Variants in PLEKHG1 observed in about 807,000 individuals in gnomAD.
PLEKHG1 encodes the protein pleckstrin homology domain-containing family G member 1.
In PLEKHG1, 44 loss-of-function variants were observed where a neutral mutation model predicts 100.8. That is an observed-to-expected ratio of 0.44 (90% CI 0.34 to 0.56). PLEKHG1 has a LOEUF of 0.56. PLEKHG1 is among the 20% of genes least tolerant of loss of function. The pLI is 0.01. For missense variants in PLEKHG1, 1,545 were observed against 1,720.9 expected (o/e 0.90, Z 1.81); for synonymous variants, 640 against 662.5 (o/e 0.97, Z 0.52).
At chr6:150,691,539 T>C (rs1023068818) in intron 3 of PLEKHG1, among the ~76,000 whole-genome samples, 6 of 152,242 alleles carry the variant, frequency 3.9e-5, no homozygotes, top group Non-Finnish European at 5.9e-5. Flanking sequence ...TATAAAATAA[T>C]AATTTCTGTC....
At chr6:150,610,060 C>G (rs971478777) in intron 1 of PLEKHG1, among the ~76,000 whole-genome samples, 2 of 152,236 alleles carry the variant, frequency 1.3e-5, no homozygotes, top group Admixed American at 6.5e-5. Context: ...GCCTTCCTTT[C>G]AGCTCCCTGG....
intron 2 of PLEKHG1, among the ~76,000 whole-genome samples, chr6:150,755,905 A>C (rs1320746040): frequency 3.9e-5 from 6 of 152,156 alleles, no homozygotes; most frequent in African/African-American, 1.4e-4. Context: ...AATTTAAAAA[A>C]ATTTATTTTT....
chr6:150,641,608 A>C (rs79245669), intron 2 of PLEKHG1, among the ~76,000 whole-genome samples: 2,747 of 152,282 alleles, frequency 0.018, 94 homozygotes, highest in African/African-American at 0.062. Context: ...CCATGTTAGC[A>C]AAACCAAAGA....
chr6:150,706,612 T>C (rs1361336999), intron 3 of PLEKHG1, among the ~76,000 whole-genome samples: 1 of 24,692 alleles, frequency 4.0e-5, no homozygotes, highest in African/African-American at 1.6e-4. Flanking sequence ...AGACTCTGTC[T>C]CAAAAAAAAA....
At chr6:150,607,943 A>AT (rs954858209) in intron 1 of PLEKHG1, among the ~76,000 whole-genome samples, 121 of 151,094 alleles carry the variant, frequency 8.0e-4, no homozygotes, top group African/African-American at 2.5e-3. Flanking sequence ...GCTTTTCTCC[A>AT]TTTTTTTTTG....
chr6:150,720,827 G>C (rs569470644), upstream of PLEKHG1, among the ~76,000 whole-genome samples: 25 of 152,326 alleles, frequency 1.6e-4, no homozygotes, highest in South Asian at 5.2e-3. Flanking sequence ...AGCTTTGGGC[G>C]AGTGTGGGTT....
intron 3 of PLEKHG1, among the ~76,000 whole-genome samples, chr6:150,706,998 C>CTTT (rs71014517): frequency 7.7e-5 from 4 of 51,930 alleles, no homozygotes; most frequent in African/African-American, 3.1e-4. Flanking sequence ...TTTTCTTTTT[C>CTTT]TTTTTTTTTT....
At chr6:150,660,449 T>C (rs1779141436) in intron 3 of PLEKHG1, among the ~76,000 whole-genome samples, 1 of 152,190 alleles carries the variant, frequency 6.6e-6, no homozygotes, top group South Asian at 2.1e-4. Flanking sequence ...TACATGTTTC[T>C]CTCCAGCCTC....
intron 2 of PLEKHG1, among the ~76,000 whole-genome samples, chr6:150,641,414 G>A (rs2128568208): frequency 6.6e-6 from 1 of 152,286 alleles, no homozygotes; most frequent in South Asian, 2.1e-4. Flanking sequence ...TTTAAGATCA[G>A]CAAAATAACC....
At chr6:150,813,313 A>AG (rs906428278) in intron 10 of PLEKHG1, among the ~76,000 whole-genome samples, 1 of 151,568 alleles carries the variant, frequency 6.6e-6, no homozygotes, top group Non-Finnish European at 1.5e-5. Flanking sequence ...TCAAAAAAAA[A>AG]AAAAAACAAA....
chr6:150,613,195 A>G (rs1444110219), intron 1 of PLEKHG1, among the ~76,000 whole-genome samples: 2 of 152,176 alleles, frequency 1.3e-5, no homozygotes, highest in Admixed American at 1.3e-4. Flanking sequence ...TCTTTCCCAG[A>G]TATCAGAGTC....
chr6:150,828,308 C>T (rs1259790174), intron 14 of PLEKHG1: 2 of 1,611,622 alleles, frequency 1.2e-6, no homozygotes, highest in East Asian at 2.2e-5. Context: ...CCTAAGAAGC[C>T]GATTGAAGAC....
chr6:150,829,817 G>A (rs965970327), intron 14 of PLEKHG1, among the ~76,000 whole-genome samples: 13 of 152,016 alleles, frequency 8.6e-5, no homozygotes, highest in Admixed American at 1.3e-4. Context: ...GGCCATGTTC[G>A]TGGTGGGTCT....
At chr6:150,611,241 C>T (rs1402670893) in intron 1 of PLEKHG1, among the ~76,000 whole-genome samples, 1 of 152,166 alleles carries the variant, frequency 6.6e-6, no homozygotes, top group Admixed American at 6.5e-5. Context: ...GAATGAAAAC[C>T]TTACTTCTGG....
At chr6:150,774,590 G>A (rs1029574469) in intron 3 of PLEKHG1, among the ~76,000 whole-genome samples, 2 of 140,412 alleles carry the variant, frequency 1.4e-5, no homozygotes, top group Non-Finnish European at 3.0e-5. Flanking sequence ...CATTCAGGCT[G>A]GAGGGCAATG....
intron 1 of PLEKHG1, among the ~76,000 whole-genome samples, chr6:150,726,259 T>G (rs1583010634): frequency 2.0e-5 from 3 of 152,204 alleles, no homozygotes; most frequent in African/African-American, 7.2e-5. Flanking sequence ...AGGTAGATCT[T>G]AAGTATTGTT....
At chr6:150,813,783 T>C (rs903253344) in intron 10 of PLEKHG1, among the ~76,000 whole-genome samples, 1 of 152,120 alleles carries the variant, frequency 6.6e-6, no homozygotes, top group African/African-American at 2.4e-5. Context: ...TCTGATTCTG[T>C]GCTGCTGCTC....
intron 1 of PLEKHG1, among the ~76,000 whole-genome samples, chr6:150,623,019 CTTT>C (rs758455220): frequency 6.9e-6 from 1 of 145,418 alleles, no homozygotes; most frequent in Admixed American, 6.9e-5. Flanking sequence ...TAATGAGCAT[CTTT>C]TTTTTTTTTT....
chr6:150,760,089 T>G (rs1784071906), intron 2 of PLEKHG1, among the ~76,000 whole-genome samples: 1 of 151,678 alleles, frequency 6.6e-6, no homozygotes, highest in Non-Finnish European at 1.5e-5. Flanking sequence ...ATTTTACTGA[T>G]TTTTTTCCCC....
Sources: gnomAD v4.1 joint callset for allele counts (sites outside exome capture counted in the v4.1 genomes callset) on GRCh38, gnomAD v4.1.1 for gene constraint, MANE v1.5 for transcripts, NCBI Gene and HGNC (gene_info 2026-07-23, HGNC 2026-07-21) for gene names.